Variants in KYNU observed in about 807,000 individuals in gnomAD.
KYNU encodes L-kynurenine hydrolase.
In KYNU, 54 loss-of-function variants were observed where a neutral mutation model predicts 59.2. That is an observed-to-expected ratio of 0.91 (90% CI 0.73 to 1.14). The LOEUF (loss-of-function observed/expected upper bound fraction) is 1.14. Ranked by LOEUF, KYNU falls within the 50% of genes most tolerant of loss-of-function variation. The probability of loss-of-function intolerance (pLI) is 0.00; values close to 1 mark genes in which losing one functional copy is unlikely to be tolerated. For missense variants in KYNU, 567 were observed against 554.4 expected, an observed-to-expected ratio of 1.02 and a Z score of -0.23; for synonymous variants, 177 against 192.0, an observed-to-expected ratio of 0.92 and a Z score of 0.65.
intron 8 of KYNU, among the ~76,000 whole-genome samples, chr2:142,980,953 A>C (rs562161954): frequency 6.6e-6 from 1 of 152,278 alleles, no homozygotes; most frequent in East Asian, 1.9e-4. Context: ...GAGAACCATT[A>C]GATTTTTTTA....
Position 143,035,226 on chromosome 2 carries a change from T to G in KYNU, c.1041+1905T>G, listed in dbSNP as rs571376391. On this transcript the variant is annotated intron_variant, in intron 12 of 13. Coordinates refer to ENST00000264170, the MANE Select transcript of KYNU (RefSeq NM_003937.3). ...GTAGTTTTTTGTACAGATAAAGTCT[T>G]ACTATGTTACCCAGTCAATATCTAA... Among the ~76,000 whole-genome samples, 37 of 152,338 alleles carry G rather than the reference T, an allele frequency of 2.4e-4. 1 individual carries two copies. Among genetic ancestry groups the G allele is most frequent in the African/African-American group, 8.4e-4 (35 of 41,586 alleles).
In KYNU at chr2:143,046,840, C is replaced by A. The variant is rs953790195; in HGVS notation, c.*4668C>A. ...AATAAATCTATTGTGTTCCATAAAACCCCTGTTGGGATTTCAATTGAACTG... is the reference window on the plus strand; with the variant it reads ...AATAAATCTATTGTGTTCCATAAAAACCCTGTTGGGATTTCAATTGAACTG... On this transcript the variant is annotated 3_prime_UTR_variant, in exon 14 of 14. Transcript: ENST00000264170. 1.3e-5 allele frequency: 2 copies of A among 152,038 alleles called. No homozygotes were observed. The highest frequency in any genetic ancestry group is 2.9e-5 in the Non-Finnish European group (2 of 68,016). 9.4% of individuals were successfully genotyped at this position (152,038 alleles called of 1,614,324 possible). A position where few individuals can be genotyped will look rare whatever the true frequency, so the allele number is the denominator to read the frequency against.
At position 142,954,876 on chromosome 2, in the gene KYNU, G is replaced by A. The variant is rs769241966; in HGVS notation, c.435+5G>A. 7 of 1,561,320 alleles carry A rather than the reference G, an allele frequency of 4.5e-6. No individual in the cohort carries two copies. Among genetic ancestry groups the A allele is most frequent in the Admixed American group, 1.7e-5 (1 of 59,820 alleles). ...GTAAATTTACATCTTCTAATGGTAAGTTTTCTTTCCCACTAATGTTTAGAA... is the reference window on the plus strand; with the variant it reads ...GTAAATTTACATCTTCTAATGGTAAATTTTCTTTCCCACTAATGTTTAGAA... On this transcript the variant is annotated splice_donor_5th_base_variant and intron_variant, in intron 5 of 13. Coordinates refer to ENST00000264170, the MANE Select transcript of KYNU (RefSeq NM_003937.3).
chr2:142,944,221 C>A (rs1268677405), intron 4 of KYNU, among the ~76,000 whole-genome samples: 2 of 152,132 alleles, frequency 1.3e-5, no homozygotes, highest in Non-Finnish European at 2.9e-5. Context: ...GAGTAGGTAC[C>A]TTATTGAGTT....
intron 3 of KYNU, among the ~76,000 whole-genome samples, chr2:142,922,391 G>A (rs1682911751): frequency 6.6e-6 from 1 of 152,078 alleles, no homozygotes; most frequent in Admixed American, 6.6e-5. Context: ...TGTAGTCCCA[G>A]CTATTCGTGA....
chr2:142,949,236 G>A (rs528517244), intron 4 of KYNU, among the ~76,000 whole-genome samples: 26 of 152,268 alleles, frequency 1.7e-4, no homozygotes, highest in African/African-American at 6.3e-4. Context: ...TGGCTTTTCT[G>A]GGCGCATGGT....
intron 3 of KYNU, among the ~76,000 whole-genome samples, chr2:142,927,199 G>A (rs1683070845): frequency 6.6e-6 from 1 of 152,138 alleles, no homozygotes; most frequent in South Asian, 2.1e-4. Context: ...ATGGTATCAT[G>A]AGTATAATCA....
intron 12 of KYNU, among the ~76,000 whole-genome samples, chr2:143,039,822 T>C (rs928677845): frequency 1.3e-5 from 2 of 152,058 alleles, no homozygotes; most frequent in African/African-American, 4.8e-5. Flanking sequence ...GGTGCTGGAG[T>C]GATTACCCTT....
At chr2:143,012,625 G>A (rs564277474) in intron 10 of KYNU, among the ~76,000 whole-genome samples, 15 of 152,178 alleles carry the variant, frequency 9.9e-5, no homozygotes, top group African/African-American at 3.1e-4. Context: ...TGATGTATGG[G>A]ATACATAGAA....
At position 143,050,535 on chromosome 2, in the gene KYNU, A is replaced by T. The variant is rs1367952524; in HGVS notation, c.*8363A>T. The stretch of plus-strand genomic sequence containing the variant: ...GGTGTATATATACCACATTTTCTTC[A>T]TCCAGTCATGCAAATTTATATGAAT... On this transcript the variant is annotated 3_prime_UTR_variant, in exon 14 of 14. Transcript: ENST00000264170. The T allele has an allele frequency of 6.6e-6, 1 of 152,010 alleles. No homozygotes were observed. The highest frequency in any genetic ancestry group is 1.5e-5 in the Non-Finnish European group (1 of 68,012). 9.4% of individuals were successfully genotyped at this position (152,010 alleles called of 1,614,324 possible).
At chr2:143,027,081 T>A (rs1013148799) in intron 10 of KYNU, among the ~76,000 whole-genome samples, 3 of 152,148 alleles carry the variant, frequency 2.0e-5, no homozygotes, top group Non-Finnish European at 2.9e-5. Context: ...GCTTTTCAGC[T>A]TGAGGGTAGG....
rs547110610 is a variant in KYNU, at chr2:142,920,049, G to A, written c.290+1320G>A. Among the ~76,000 whole-genome samples the A allele has an allele frequency of 3.0e-3, 453 of 152,170 alleles. 3 individuals carry two copies. Among genetic ancestry groups the A allele is most frequent in the African/African-American group, 0.01 (430 of 41,508 alleles). ...ATCACCACTGTACTCCATCCTGGGCGACTCTGCTTCAATAAAATAAATAAA... is the reference window on the plus strand; with the variant it reads ...ATCACCACTGTACTCCATCCTGGGCAACTCTGCTTCAATAAAATAAATAAA... On this transcript the variant is annotated intron_variant, in intron 3 of 13. Coordinates refer to ENST00000264170, the MANE Select transcript of KYNU (RefSeq NM_003937.3).
intron 8 of KYNU, among the ~76,000 whole-genome samples, chr2:142,977,874 T>G (rs1280711745): frequency 6.6e-6 from 1 of 152,132 alleles, no homozygotes; most frequent in Non-Finnish European, 1.5e-5. Flanking sequence ...TTAGTCTGCA[T>G]GAAAAGCAGA....
Position 142,982,249 on chromosome 2 carries a change from C to T in KYNU, c.730-2835C>T, listed in dbSNP as rs1685072132. 2.6e-5 allele frequency among the ~76,000 whole-genome samples: 4 copies of T among 152,120 alleles called. No individual in the cohort carries two copies. In the South Asian group the frequency reaches 8.3e-4, roughly 32 times the overall value. ...ACTTGGTAAACCAGTCATACACAAACCCAGAGGTAAAATGTTTTGCAAAGT... is the reference window on the plus strand; with the variant it reads ...ACTTGGTAAACCAGTCATACACAAATCCAGAGGTAAAATGTTTTGCAAAGT... On this transcript the variant is annotated intron_variant, in intron 8 of 13. Coordinates refer to ENST00000264170, the MANE Select transcript of KYNU (RefSeq NM_003937.3).
chr2:142,970,318 A>G (rs569088952), intron 8 of KYNU, among the ~76,000 whole-genome samples: 1 of 152,352 alleles, frequency 6.6e-6, no homozygotes, highest in South Asian at 2.1e-4. Flanking sequence ...CAAAGGAAGC[A>G]ATTTAGAAGC....
At chr2:142,887,736 T>C (rs1681567095) in intron 2 of KYNU, among the ~76,000 whole-genome samples, 1 of 152,144 alleles carries the variant, frequency 6.6e-6, no homozygotes, top group African/African-American at 2.4e-5. Context: ...CCAAGTAGAA[T>C]GGTAGTTGTC....
Position 143,055,735 on chromosome 2 carries a change from G to A in KYNU, c.*13563G>A, listed in dbSNP as rs1243224246. ...GGAGGGAAGAAGAAAAAAATAGTAT[G>A]AAAAAATCTTGATAAATTTGAAAAC... On this transcript the variant is annotated 3_prime_UTR_variant, in exon 14 of 14. Transcript: ENST00000264170. The A allele has an allele frequency of 6.6e-6, 1 of 151,968 alleles. No homozygotes were observed. The highest frequency in any genetic ancestry group is 1.5e-5 in the Non-Finnish European group (1 of 67,978). The allele number at this position is 151,968 out of a possible 1,614,324, so 9.4% of individuals were successfully genotyped here. A position where few individuals can be genotyped will look rare whatever the true frequency, so the allele number is the denominator to read the frequency against.
intron 2 of KYNU, among the ~76,000 whole-genome samples, chr2:142,916,911 C>T (rs558807202): frequency 1.1e-4 from 16 of 152,264 alleles, no homozygotes; most frequent in African/African-American, 3.6e-4. Flanking sequence ...GTAAGCTCCA[C>T]GGCCTTTGTG....
chr2:142,896,820 G>T (rs1681895205), intron 2 of KYNU, among the ~76,000 whole-genome samples: 1 of 152,138 alleles, frequency 6.6e-6, no homozygotes, highest in Non-Finnish European at 1.5e-5. Flanking sequence ...CGTACAAGTT[G>T]TTTGTTGAAT....
Sources: gnomAD v4.1 joint callset for allele counts (sites outside exome capture counted in the v4.1 genomes callset) on GRCh38, gnomAD v4.1.1 for gene constraint, MANE v1.5 for transcripts, NCBI Gene and HGNC (gene_info 2026-07-23, HGNC 2026-07-21) for gene names.